ZNG1E: variants seen among roughly 807,000 people sequenced by gnomAD.
ZNG1E encodes the protein Zn regulated GTPase metalloprotein activator 1E.
chr9:65,660,118 A>G, the ZNG1E span, among the ~76,000 whole-genome samples: 1 of 126,470 alleles, frequency 7.9e-6, no homozygotes, highest in Non-Finnish European at 1.6e-5. Flanking sequence ...AGAAAAGGGA[A>G]TCTGCAGCAA....
At chr9:65,656,613 C>T in the ZNG1E span, among the ~76,000 whole-genome samples, 2 of 152,392 alleles carry the variant, frequency 1.3e-5, no homozygotes, top group African/African-American at 4.8e-5. Flanking sequence ...AGATAATGGT[C>T]CCTCTCCCAG....
At chr9:65,662,011 G>A in the ZNG1E span, among the ~76,000 whole-genome samples, 9 of 152,250 alleles carry the variant, frequency 5.9e-5, no homozygotes, top group Non-Finnish European at 1.3e-4. Context: ...TCCCCATCAG[G>A]TACTTATTAA....
the ZNG1E span, among the ~76,000 whole-genome samples, chr9:65,659,991 A>T: frequency 3.3e-5 from 5 of 149,374 alleles, no homozygotes; most frequent in East Asian, 1.9e-4. Flanking sequence ...AGTTCACTCG[A>T]TGCACACTTT....
At chr9:65,658,155 A>C in the ZNG1E span, among the ~76,000 whole-genome samples, 1 of 151,812 alleles carries the variant, frequency 6.6e-6, no homozygotes, top group African/African-American at 2.4e-5. Flanking sequence ...ATTATGTACC[A>C]ATAAAAGTAA....
chr9:65,664,263 G>T, the ZNG1E span, among the ~76,000 whole-genome samples: 1 of 151,426 alleles, frequency 6.6e-6, no homozygotes, highest in Non-Finnish European at 1.5e-5. Context: ...TTTTGGGGGG[G>T]GTGATATGGT....
the ZNG1E span, among the ~76,000 whole-genome samples, chr9:65,697,815 TC>T: frequency 1.1e-5 from 1 of 94,764 alleles, no homozygotes; most frequent in Non-Finnish European, 2.0e-5. Flanking sequence ...TAAGTCAGTG[TC>T]AAAATATTTT....
At chr9:65,684,550 G>GCACATGCA in the ZNG1E span, among the ~76,000 whole-genome samples, 1 of 132,772 alleles carries the variant, frequency 7.5e-6, no homozygotes, top group African/African-American at 3.1e-5. Flanking sequence ...ACACACGCAC[G>GCACATGCA]CACACACACA....
At chr9:65,663,934 A>G in the ZNG1E span, among the ~76,000 whole-genome samples, 2 of 152,218 alleles carry the variant, frequency 1.3e-5, no homozygotes, top group Non-Finnish European at 1.5e-5. Context: ...TCACAAACAT[A>G]TTGCTTCCAC....
chr9:65,660,977 G>C, the ZNG1E span, among the ~76,000 whole-genome samples: 4 of 145,540 alleles, frequency 2.7e-5, no homozygotes, highest in Admixed American at 2.8e-4. Context: ...GTGGGGCCTT[G>C]GCAAACCAAA....
At chr9:65,697,424 C>G in the ZNG1E span, among the ~76,000 whole-genome samples, 1 of 84,782 alleles carries the variant, frequency 1.2e-5, no homozygotes, top group African/African-American at 4.0e-5. Flanking sequence ...AATATAGTAT[C>G]CTGTGATGAT....
the ZNG1E span, among the ~76,000 whole-genome samples, chr9:65,678,650 C>CT: frequency 4.4e-5 from 6 of 136,134 alleles, no homozygotes; most frequent in Non-Finnish European, 7.7e-5. Context: ...GTTCACAAGA[C>CT]TTTTTTTTCT....
the ZNG1E span, among the ~76,000 whole-genome samples, chr9:65,716,343 G>A: frequency 5.3e-5 from 8 of 149,758 alleles, no homozygotes; most frequent in Non-Finnish European, 1.0e-4. Flanking sequence ...TTTTCTGTAA[G>A]CATGGGGTCT....
chr9:65,686,634 CAAAAT>C, the ZNG1E span, among the ~76,000 whole-genome samples: 1 of 152,166 alleles, frequency 6.6e-6, no homozygotes, highest in Non-Finnish European at 1.5e-5. Flanking sequence ...GACTCCATCT[CAAAAT>C]AAATAAATAA....
chr9:65,666,318 T>C, the ZNG1E span, among the ~76,000 whole-genome samples: 2 of 149,734 alleles, frequency 1.3e-5, no homozygotes. Flanking sequence ...TGAGATCTGA[T>C]GGTTTTGAAA....
chr9:65,659,560 C>T, the ZNG1E span, among the ~76,000 whole-genome samples: 4 of 151,468 alleles, frequency 2.6e-5, no homozygotes, highest in Admixed American at 2.0e-4. Flanking sequence ...TTCACTGTGT[C>T]AGAGGATATG....
At chr9:65,699,091 T>A in the ZNG1E span, among the ~76,000 whole-genome samples, 4 of 149,218 alleles carry the variant, frequency 2.7e-5, no homozygotes, top group Non-Finnish European at 5.9e-5. Context: ...TTATTTTATT[T>A]TATTTTTTTT....
chr9:65,694,163 T>C, the ZNG1E span, among the ~76,000 whole-genome samples: 3 of 151,122 alleles, frequency 2.0e-5, 1 homozygote, highest in African/African-American at 4.9e-5. Context: ...GAAAAATGCT[T>C]ATGGAGGTAG....
chr9:65,679,802 C>G, the ZNG1E span, among the ~76,000 whole-genome samples: 1 of 152,198 alleles, frequency 6.6e-6, no homozygotes, highest in African/African-American at 2.4e-5. Context: ...ATCCACCCGC[C>G]TCGGCCTCCC....
the ZNG1E span, among the ~76,000 whole-genome samples, chr9:65,727,703 C>CA: frequency 1.7e-4 from 18 of 107,752 alleles, no homozygotes; most frequent in Admixed American, 1.8e-3. Context: ...AGGAAAGTAT[C>CA]ACAATCCTAA....
Sources: gnomAD v4.1 joint callset for allele counts (sites outside exome capture counted in the v4.1 genomes callset) on GRCh38, gnomAD v4.1.1 for gene constraint, MANE v1.5 for transcripts, NCBI Gene and HGNC (gene_info 2026-07-23, HGNC 2026-07-21) for gene names.